DLGAP2: variants seen among roughly 807,000 people sequenced by gnomAD.
DLGAP2 encodes the protein disks large-associated protein 2.
Under a neutral mutation model 100.3 loss-of-function variants are expected in DLGAP2, and 26 were observed. The ratio of observed to expected loss-of-function variants is 0.26; its 90% CI spans 0.19 to 0.36. The LOEUF (loss-of-function observed/expected upper bound fraction) is 0.36. Among genes scored for constraint, DLGAP2 ranks in the 10% least tolerant of loss-of-function variants. The probability of loss-of-function intolerance (pLI) is 1.00; values close to 1 mark genes in which losing one functional copy is unlikely to be tolerated. For missense variants in DLGAP2, 1,858 were observed against 1,453.2 expected (o/e 1.28, Z -4.53); for synonymous variants, 886 against 630.1 (o/e 1.41, Z -6.08).
intron 3 of DLGAP2, among the ~76,000 whole-genome samples, chr8:1,434,531 C>T (rs950278384): frequency 1.3e-5 from 2 of 152,078 alleles, no homozygotes; most frequent in African/African-American, 2.4e-5. Context: ...GCCTGGAGGG[C>T]AGTGGTACAA....
intron 3 of DLGAP2, among the ~76,000 whole-genome samples, chr8:1,342,949 A>G (rs1801452597): frequency 6.7e-6 from 1 of 149,734 alleles, no homozygotes; most frequent in Admixed American, 6.7e-5. Flanking sequence ...TTTTTCCGTA[A>G]TTGTAGCCTC....
chr8:1,519,157 C>A (rs558417410), intron 4 of DLGAP2, among the ~76,000 whole-genome samples: 1 of 152,170 alleles, frequency 6.6e-6, no homozygotes, highest in Non-Finnish European at 1.5e-5. Flanking sequence ...AATATTTCAG[C>A]TGCAATTGGG....
At chr8:1,287,798 TGG>T (rs1799974453) in intron 3 of DLGAP2, among the ~76,000 whole-genome samples, 2 of 119,838 alleles carry the variant, frequency 1.7e-5, no homozygotes, top group African/African-American at 3.4e-5. Flanking sequence ...TATGTGTGTG[TGG>T]TTCTGTTAGG....
chr8:1,701,209 C>T lies in DLGAP2; in HGVS notation c.2971C>T (p.Pro991Ser). The T allele has an allele frequency of 1.3e-6, 2 of 1,569,378 alleles. No individual in the cohort carries two copies. The highest frequency in any genetic ancestry group is 3.3e-4 in the Middle Eastern group (2 of 6,016). Reference protein sequence around the residue: ...ERKEERKVPPPIPKKPPKGKF... With the variant: ...ERKEERKVPPSIPKKPPKGKF... Reference sequence around the variant, plus strand: ...TCAGGAAGAAAGAAAGGTCCCGCCTCCAATACCAAAGAAGCCTCCCAAGGG... The same window carrying T: ...TCAGGAAGAAAGAAAGGTCCCGCCTTCAATACCAAAGAAGCCTCCCAAGGG... Residue 991 changes from proline to serine, a missense_variant, in exon 15 of 15, where the codon CCA (proline) becomes TCA (serine). Transcript: ENST00000637795.
At chr8:1,373,513 G>C (rs1031138750) in intron 3 of DLGAP2, among the ~76,000 whole-genome samples, 18 of 152,240 alleles carry the variant, frequency 1.2e-4, no homozygotes, top group Non-Finnish European at 1.6e-4. Context: ...TGCCCACAAA[G>C]AGGGCAGTGG....
At chr8:1,521,066 CTTG>C (rs1289225891) in intron 4 of DLGAP2, among the ~76,000 whole-genome samples, 24 of 151,878 alleles carry the variant, frequency 1.6e-4, no homozygotes, top group African/African-American at 5.1e-4. Flanking sequence ...GTGGTGGTGT[CTTG>C]TTGTTGTTTT....
chr8:957,557 C>T (rs1039423268), intron 2 of DLGAP2, among the ~76,000 whole-genome samples: 1 of 152,202 alleles, frequency 6.6e-6, no homozygotes, highest in African/African-American at 2.4e-5. Flanking sequence ...TAGAAACGGG[C>T]AGCAGTGTTC....
intron 1 of DLGAP2, among the ~76,000 whole-genome samples, chr8:849,104 G>C (rs1410829045): frequency 6.6e-6 from 1 of 151,430 alleles, no homozygotes; most frequent in African/African-American, 2.4e-5. Context: ...TCCAGTATAG[G>C]AATGTGCAGT....
At chr8:1,440,774 C>T (rs1312637221) in intron 3 of DLGAP2, among the ~76,000 whole-genome samples, 1 of 152,168 alleles carries the variant, frequency 6.6e-6, no homozygotes, top group Non-Finnish European at 1.5e-5. Flanking sequence ...GATGAACCTG[C>T]AGATGAGGCT....
rs138692710 is a variant in DLGAP2, at chr8:1,240,207, C to T, written c.74-18644C>T. Reference sequence around the variant, plus strand: ...CACAGAGTATCGTGTCTAGTTCTCTCACATGGCACTGTGTCTAGTTCTCTC... The same window carrying T: ...CACAGAGTATCGTGTCTAGTTCTCTTACATGGCACTGTGTCTAGTTCTCTC... On this transcript the variant is annotated intron_variant, in intron 2 of 14. Transcript: ENST00000637795. Among the ~76,000 whole-genome samples the T allele has an allele frequency of 3.1e-3, 401 of 131,384 alleles. 4 individuals carry two copies. The highest frequency in any genetic ancestry group is 4.5e-3 in the South Asian group (17 of 3,806). The allele number at this position is 131,384 out of a possible 152,430, so 86.2% of individuals were successfully genotyped here. A position where few individuals can be genotyped will look rare whatever the true frequency, so the allele number is the denominator to read the frequency against.
chr8:1,663,173 ACAC>A (rs1178998552), intron 8 of DLGAP2, among the ~76,000 whole-genome samples: 1 of 145,980 alleles, frequency 6.9e-6, no homozygotes, highest in Non-Finnish European at 1.5e-5. Context: ...GCCTGTGTGT[ACAC>A]GTGTGAGTGT....
intron 1 of DLGAP2, among the ~76,000 whole-genome samples, chr8:745,477 T>C (rs540233254): frequency 1.3e-5 from 2 of 152,288 alleles, no homozygotes; most frequent in Admixed American, 1.3e-4. Context: ...AGTCTTCAAT[T>C]TATCCAGCTA....
intron 5 of DLGAP2, among the ~76,000 whole-genome samples, chr8:1,550,441 C>G (rs1041534142): frequency 2.0e-5 from 3 of 152,110 alleles, no homozygotes; most frequent in East Asian, 3.9e-4. Flanking sequence ...TCTTTAAGGC[C>G]TCTAAGGCTG....
chr8:787,033 C>T (rs920107900), intron 1 of DLGAP2, among the ~76,000 whole-genome samples: 3 of 152,106 alleles, frequency 2.0e-5, no homozygotes, highest in South Asian at 2.1e-4. Context: ...TTTGGCTTTC[C>T]TTTCTTCATT....
intron 3 of DLGAP2, among the ~76,000 whole-genome samples, chr8:1,442,728 G>A (rs942608474): frequency 1.0e-4 from 15 of 142,952 alleles, no homozygotes; most frequent in South Asian, 2.3e-4. Flanking sequence ...GCATAGACCC[G>A]CCAGGCTGCT....
At chr8:1,291,803 C>T (rs1800066393) in intron 3 of DLGAP2, among the ~76,000 whole-genome samples, 1 of 152,126 alleles carries the variant, frequency 6.6e-6, no homozygotes, top group Admixed American at 6.5e-5. Context: ...CGAGCAAATC[C>T]ATCTCACTGC....
At chr8:1,437,159 C>T (rs1030233483) in intron 3 of DLGAP2, among the ~76,000 whole-genome samples, 1 of 148,930 alleles carries the variant, frequency 6.7e-6, no homozygotes, top group Non-Finnish European at 1.5e-5. Context: ...GCGTTCAGCG[C>T]AGGCGCGTAA....
At chr8:1,263,277 A>T (rs1405629302) in intron 3 of DLGAP2, among the ~76,000 whole-genome samples, 9 of 152,336 alleles carry the variant, frequency 5.9e-5, no homozygotes, top group Non-Finnish European at 1.5e-5. Flanking sequence ...GCAAAATTCA[A>T]GTCTTAAAAA....
chr8:1,229,459 T>C (rs560081012), intron 2 of DLGAP2, among the ~76,000 whole-genome samples: 1 of 152,316 alleles, frequency 6.6e-6, no homozygotes, highest in South Asian at 2.1e-4. Flanking sequence ...GGCAAGATTA[T>C]GTATTTCCAG....
Sources: gnomAD v4.1 joint callset for allele counts (sites outside exome capture counted in the v4.1 genomes callset) on GRCh38, gnomAD v4.1.1 for gene constraint, MANE v1.5 for transcripts, NCBI Gene and HGNC (gene_info 2026-07-23, HGNC 2026-07-21) for gene names.